Variants in RANBP2 observed in about 807,000 individuals in gnomAD.
The protein encoded by RANBP2 is RAN binding protein 2.
In RANBP2, 57 loss-of-function variants were observed where a neutral mutation model predicts 303.6. The ratio of observed to expected loss-of-function variants is 0.19; its 90% CI spans 0.15 to 0.23. The LOEUF (loss-of-function observed/expected upper bound fraction) is 0.23, where lower values mean the gene tolerates loss of function less well. RANBP2 is among the 10% of genes least tolerant of loss of function. The pLI, the probability that RANBP2 is intolerant of heterozygous loss-of-function variation, is 1.00. For synonymous variants in RANBP2, 1,167 were observed against 1,301.5 expected, an observed-to-expected ratio of 0.90 and a Z score of 2.23; for missense variants, 3,138 against 3,780.8, an observed-to-expected ratio of 0.83 and a Z score of 4.46.
chr2:109,646,522 T>C, the RANBP2 span, among the ~76,000 whole-genome samples: 1 of 152,048 alleles, frequency 6.6e-6, no homozygotes, highest in African/African-American at 2.4e-5. Flanking sequence ...GATGGAGTCT[T>C]GCTCTGTCGC....
At chr2:109,012,450 T>TC in the RANBP2 span, among the ~76,000 whole-genome samples, 1 of 151,738 alleles carries the variant, frequency 6.6e-6, no homozygotes, top group African/African-American at 2.4e-5. Flanking sequence ...ACGCTCCTTT[T>TC]CCCCCCAGCC....
At chr2:108,934,742 A>G in the RANBP2 span, among the ~76,000 whole-genome samples, 1 of 152,220 alleles carries the variant, frequency 6.6e-6, no homozygotes, top group South Asian at 2.1e-4. Context: ...CACTCCCGCG[A>G]TGATGACATT....
chr2:109,008,814 G>C, the RANBP2 span, among the ~76,000 whole-genome samples: 1 of 151,282 alleles, frequency 6.6e-6, no homozygotes, highest in African/African-American at 2.4e-5. Flanking sequence ...ACGCAGAATA[G>C]TATGAACCCA....
Position 108,755,039 on chromosome 2 carries a change from A to C in RANBP2, c.2337A>C (p.Thr779=), listed in dbSNP as rs755384601. 1.9e-6 allele frequency: 3 copies of C among 1,611,960 alleles called. No homozygotes were observed. Among genetic ancestry groups the C allele is most frequent in the Non-Finnish European group, 1.7e-6 (2 of 1,179,842 alleles). The change falls in exon 16 of 29, where the codon ACA becomes ACC. Residue 779 remains threonine, a synonymous_variant. Coordinates refer to ENST00000283195, the MANE Select transcript of RANBP2 (RefSeq NM_006267.5). ...RNADSEIKHS[T]PSPTRYSLSP... ...CAGATTCAGAAATAAAACATTCTACACCGTCTCCTACCAGATATTCACTAT... is the reference window on the plus strand; with the variant it reads ...CAGATTCAGAAATAAAACATTCTACCCCGTCTCCTACCAGATATTCACTAT...
chr2:109,282,825 G>A, the RANBP2 span, among the ~76,000 whole-genome samples: 5 of 152,210 alleles, frequency 3.3e-5, no homozygotes, highest in Non-Finnish European at 7.3e-5. Context: ...TGGCAGGCAG[G>A]AGGAGGTGGA....
chr2:109,715,607 C>T, the RANBP2 span, among the ~76,000 whole-genome samples: 1 of 152,286 alleles, frequency 6.6e-6, no homozygotes, highest in East Asian at 1.9e-4. Context: ...AACTCAGAAG[C>T]TCTCTGAATT....
chr2:109,610,150 G>A, the RANBP2 span, among the ~76,000 whole-genome samples: 18 of 151,320 alleles, frequency 1.2e-4, no homozygotes, highest in African/African-American at 4.4e-4. Flanking sequence ...GTGCAGTGGC[G>A]CGATCTCAGC....
the RANBP2 span, among the ~76,000 whole-genome samples, chr2:109,727,235 C>G: frequency 6.6e-6 from 1 of 152,304 alleles, no homozygotes; most frequent in Non-Finnish European, 1.5e-5. Flanking sequence ...CAACAACGAA[C>G]TGTTTACCTA....
the RANBP2 span, among the ~76,000 whole-genome samples, chr2:108,844,028 ATT>A: frequency 6.8e-6 from 1 of 147,718 alleles, no homozygotes; most frequent in Non-Finnish European, 1.5e-5. Flanking sequence ...TACCTGGTTA[ATT>A]TTTTTTTGTT....
the RANBP2 span, among the ~76,000 whole-genome samples, chr2:109,728,917 G>A: frequency 6.6e-6 from 1 of 152,216 alleles, no homozygotes; most frequent in South Asian, 2.1e-4. Context: ...CTAAATTCCT[G>A]AGAATTTAAC....
At chr2:109,469,022 G>A in the RANBP2 span, among the ~76,000 whole-genome samples, 1 of 151,406 alleles carries the variant, frequency 6.6e-6, no homozygotes, top group African/African-American at 2.4e-5. Flanking sequence ...CCAGCCACCA[G>A]TCTTGGCTCA....
the RANBP2 span, among the ~76,000 whole-genome samples, chr2:109,173,354 C>T: frequency 1.3e-5 from 2 of 152,118 alleles, no homozygotes; most frequent in African/African-American, 2.4e-5. Flanking sequence ...TCAACCGAGC[C>T]GTCCCTGCCT....
At chr2:109,713,670 G>T in the RANBP2 span, among the ~76,000 whole-genome samples, 6 of 152,310 alleles carry the variant, frequency 3.9e-5, no homozygotes, top group Admixed American at 3.3e-4. Context: ...CCTGATCCTT[G>T]TGCCCAGAGA....
At chr2:109,545,846 T>A in the RANBP2 span, 1 of 1,437,746 alleles carries the variant, frequency 7.0e-7, no homozygotes, top group Non-Finnish European at 9.1e-7. Flanking sequence ...ACTGAACACA[T>A]AACATGTGCC....
At chr2:109,479,749 TA>T in the RANBP2 span, among the ~76,000 whole-genome samples, 7 of 152,220 alleles carry the variant, frequency 4.6e-5, no homozygotes, top group East Asian at 1.3e-3. Flanking sequence ...GTGAACCTGC[TA>T]AAAGCCAATT....
chr2:109,184,023 GT>G, the RANBP2 span, among the ~76,000 whole-genome samples: 11 of 152,236 alleles, frequency 7.2e-5, no homozygotes, highest in Admixed American at 7.2e-4. Context: ...GAGTGACACG[GT>G]GTGTGTTGAG....
chr2:108,980,387 C>G, the RANBP2 span, among the ~76,000 whole-genome samples: 1 of 152,070 alleles, frequency 6.6e-6, no homozygotes, highest in African/African-American at 2.4e-5. Flanking sequence ...CTCTGGTGGG[C>G]ACGCCCTGCC....
At position 108,766,939 on chromosome 2, in the gene RANBP2, G is replaced by C. The variant is rs771186446; in HGVS notation, c.6400G>C (p.Glu2134Gln). 1 of 1,609,510 alleles carries C rather than the reference G, an allele frequency of 6.2e-7. No individual in the cohort carries two copies. Among genetic ancestry groups the C allele is most frequent in the Non-Finnish European group, 8.5e-7 (1 of 1,179,846 alleles). Residue 2134 changes from glutamate to glutamine, a missense_variant, in exon 20 of 29, where the codon GAA becomes CAA. Coordinates refer to ENST00000283195, the MANE Select transcript of RANBP2 (RefSeq NM_006267.5). The stretch of plus-strand genomic sequence containing the variant: ...ATTTAAAACACCAGAGCTGGCTGAA[G>C]AATTCAAGCAGAAATTTGAGGAATG... Reference protein sequence around the residue: ...AKFKTPELAEEFKQKFEECQR... With the variant: ...AKFKTPELAEQFKQKFEECQR...
chr2:109,168,598 T>A, the RANBP2 span, among the ~76,000 whole-genome samples: 1 of 152,228 alleles, frequency 6.6e-6, no homozygotes, highest in Non-Finnish European at 1.5e-5. Context: ...CCAGACTGAC[T>A]GATCTGGCCG....
Sources: allele counts gnomAD v4.1 joint callset (sites outside exome capture counted in the v4.1 genomes callset), GRCh38; gene constraint gnomAD v4.1.1; transcripts MANE v1.5; gene names NCBI Gene and HGNC (gene_info 2026-07-23, HGNC 2026-07-21).